DACH2: variants seen among roughly 807,000 people sequenced by gnomAD.
The protein encoded by DACH2 is dachshund family transcription factor 2, also known as dachshund homolog 2.
In DACH2, 17 loss-of-function variants were observed where a neutral mutation model predicts 35.8. The observed-to-expected ratio is 0.48, with a 90% CI of 0.33 to 0.71. DACH2 has a LOEUF of 0.71. Ranked by LOEUF, DACH2 falls within the 30% of genes least tolerant of loss-of-function variation. The pLI, the probability that DACH2 is intolerant of heterozygous loss-of-function variation, is 0.02. For missense variants in DACH2, 469 were observed against 472.7 expected (o/e 0.99, Z 0.07); for synonymous variants, 195 against 177.3 (o/e 1.10, Z -0.79).
intron 2 of DACH2, among the ~76,000 whole-genome samples, chrX:86,401,212 G>C (rs1358118428): frequency 8.9e-6 from 1 of 112,507 alleles, no homozygotes; most frequent in Non-Finnish European, 1.9e-5. Flanking sequence ...TGTGCCATTT[G>C]TTAAGCCCGT....
Position 86,816,075 on chromosome X carries a change from C to G in DACH2, c.1726C>G (p.Pro576Ala). The G allele has an allele frequency of 3.4e-6, 4 of 1,184,824 alleles. No homozygotes were observed. ...TATTGAAATAGAAAACAATGGGACTCCTCATGATAGTGCTGCTATGCAAGG... is the reference window on the plus strand; with the variant it reads ...TATTGAAATAGAAAACAATGGGACTGCTCATGATAGTGCTGCTATGCAAGG... ...PDIEIENNGT[P>A]HDSAAMQGGN... Residue 576 changes from proline (P) to alanine (A), a missense_variant, in exon 11 of 12, where the codon CCT becomes GCT. Around this residue, in one of 3 missense-constraint regions of DACH2, gnomAD observed 363 missense variants for 334.4 expected, o/e 1.09. Coordinates refer to ENST00000373125, the MANE Select transcript of DACH2 (RefSeq NM_053281.3).
intron 10 of DACH2, among the ~76,000 whole-genome samples, chrX:86,815,626 TACAC>T (rs2042441245): frequency 9.4e-6 from 1 of 105,889 alleles, no homozygotes; most frequent in Non-Finnish European, 1.9e-5. Flanking sequence ...TTTATATATA[TACAC>T]ATATATATAA....
intron 1 of DACH2, among the ~76,000 whole-genome samples, chrX:86,153,244 A>G (rs2030428440): frequency 8.9e-6 from 1 of 111,805 alleles, no homozygotes; most frequent in African/African-American, 3.2e-5. Context: ...TCAAACAAAT[A>G]GAATTCAGTT....
At chrX:86,371,249 A>G (rs1165790363) in intron 1 of DACH2, among the ~76,000 whole-genome samples, 1 of 110,516 alleles carries the variant, frequency 9.0e-6, no homozygotes, top group Non-Finnish European at 1.9e-5. Flanking sequence ...CCATAGGCCC[A>G]TTTATCTTCA....
At chrX:86,506,962 A>G (rs1264671483) in intron 2 of DACH2, among the ~76,000 whole-genome samples, 1 of 111,804 alleles carries the variant, frequency 8.9e-6, no homozygotes, top group Non-Finnish European at 1.9e-5. Flanking sequence ...AGTGCTTTCC[A>G]CTGCACTACC....
At chrX:86,215,424 C>T (rs1168439826) in intron 1 of DACH2, among the ~76,000 whole-genome samples, 2 of 111,726 alleles carry the variant, frequency 1.8e-5, no homozygotes, top group African/African-American at 3.2e-5. Flanking sequence ...CATAGCTCGT[C>T]ATATATAAGC....
chrX:86,466,684 C>T (rs1193169804), intron 2 of DACH2, among the ~76,000 whole-genome samples: 1 of 111,906 alleles, frequency 8.9e-6, no homozygotes, highest in Non-Finnish European at 1.9e-5. Flanking sequence ...CTGCAGTAAA[C>T]TTTTGCCTGA....
At chrX:86,206,809 G>C (rs760303930) in intron 1 of DACH2, among the ~76,000 whole-genome samples, 30 of 111,913 alleles carry the variant, frequency 2.7e-4, no homozygotes, top group African/African-American at 9.7e-4. Flanking sequence ...TTCAAACCTA[G>C]CGTGTTGCCC....
At chrX:86,796,013 G>A (rs979025176) in intron 7 of DACH2, among the ~76,000 whole-genome samples, 1 of 111,951 alleles carries the variant, frequency 8.9e-6, no homozygotes, top group Non-Finnish European at 1.9e-5. Context: ...CTGCCACAGC[G>A]TGGAGGGGGA....
intron 7 of DACH2, among the ~76,000 whole-genome samples, chrX:86,756,516 G>T (rs2041831404): frequency 9.5e-6 from 1 of 105,038 alleles, no homozygotes; most frequent in Admixed American, 1.0e-4. Flanking sequence ...AAATGGGATT[G>T]CCTTGTTGAT....
At chrX:86,258,377 TTTTC>T (rs1023568602) in intron 1 of DACH2, among the ~76,000 whole-genome samples, 2 of 85,286 alleles carry the variant, frequency 2.3e-5, no homozygotes, top group African/African-American at 3.0e-4. Flanking sequence ...ATTTAAAATC[TTTTC>T]TTTTCTTTTT....
At chrX:86,413,815 G>A (rs993135341) in intron 2 of DACH2, among the ~76,000 whole-genome samples, 1 of 110,693 alleles carries the variant, frequency 9.0e-6, no homozygotes, top group Admixed American at 9.7e-5. Context: ...ATGACCACAG[G>A]ATGAGTCCAG....
chrX:86,695,042 A>T lies in DACH2; in HGVS notation c.794A>T (p.Asp265Val). ...SNTGGSESSW[D>V]KDKMQSPFAA... Reference sequence around the variant, plus strand: ...TCAGGTGGAAGTGAATCCTCCTGGGATAAAGATAAGATGCAGTCTCCATTT... The same window carrying T: ...TCAGGTGGAAGTGAATCCTCCTGGGTTAAAGATAAGATGCAGTCTCCATTT... The change falls in exon 5 of 12, where the codon GAT (aspartate) becomes GTT (valine). Residue 265 changes from aspartate to valine, a missense_variant. Transcript: ENST00000373125. The T allele has an allele frequency of 9.1e-7, 1 of 1,104,292 alleles. No individual in the cohort carries two copies. Among genetic ancestry groups the T allele is most frequent in the Non-Finnish European group, 1.2e-6 (1 of 838,079 alleles). The allele number at this position is 1,104,292 out of a possible 1,213,427, so 91.0% of individuals were successfully genotyped here.
intron 4 of DACH2, 86 bp from the exon 5 acceptor site, chrX:86,694,935 C>A: frequency 1.4e-6 from 1 of 702,517 alleles, no homozygotes; most frequent in Non-Finnish European, 1.9e-6. Flanking sequence ...AGGTAGTATT[C>A]ATGATTACAG....
intron 3 of DACH2, among the ~76,000 whole-genome samples, chrX:86,531,816 A>T (rs6623696): frequency 0.31 from 34,701 of 111,083 alleles, 4,527 homozygotes; most frequent in Middle Eastern, 0.46. Flanking sequence ...CTCCACCAAC[A>T]GCTTGCACCA....
intron 2 of DACH2, among the ~76,000 whole-genome samples, chrX:86,502,200 G>C (rs2038261851): frequency 9.0e-6 from 1 of 111,511 alleles, no homozygotes; most frequent in Non-Finnish European, 1.9e-5. Context: ...TTTACAACAG[G>C]TAGAGTAGGA....
intron 1 of DACH2, among the ~76,000 whole-genome samples, chrX:86,234,079 G>T (rs1223439555): frequency 8.9e-6 from 1 of 112,159 alleles, no homozygotes; most frequent in Non-Finnish European, 1.9e-5. Flanking sequence ...GTTCAGGATA[G>T]TAGATAAACA....
At chrX:86,470,004 G>C (rs927971396) in intron 2 of DACH2, among the ~76,000 whole-genome samples, 1 of 105,944 alleles carries the variant, frequency 9.4e-6, no homozygotes, top group Admixed American at 9.9e-5. Flanking sequence ...AACTCTGTTT[G>C]TTTCTATCCT....
rs761760285 is a variant in DACH2 at position 86,735,241 on chromosome X, T to C, written c.1105-4506T>C. Among the ~76,000 whole-genome samples the C allele has an allele frequency of 6.3e-5, 7 of 111,737 alleles. No homozygotes were observed. In the East Asian group the frequency reaches 1.1e-3, roughly 18 times the overall value. On this transcript the variant is annotated intron_variant, in intron 6 of 11. Transcript: ENST00000373125. The stretch of plus-strand genomic sequence containing the variant: ...AGTACTTCATAAATTCTGTGTATAC[T>C]TCCATATTTCCAAGAATGTAAAATA...
Sources: allele counts gnomAD v4.1 joint callset (sites outside exome capture counted in the v4.1 genomes callset), GRCh38; gene constraint gnomAD v4.1.1; regional missense constraint gnomAD v4.1.1; transcripts MANE v1.5; gene names NCBI Gene and HGNC (gene_info 2026-07-23, HGNC 2026-07-21).